Variants in SYT7 observed in about 807,000 individuals in gnomAD.
The protein encoded by SYT7 is synaptotagmin 7.
In SYT7, 29 loss-of-function variants were observed where a neutral mutation model predicts 75.1. That is an observed-to-expected ratio of 0.39 (90% CI 0.29 to 0.53). The LOEUF is 0.53. Ranked by LOEUF, SYT7 falls within the 20% of genes least tolerant of loss-of-function variation. The pLI, the probability that SYT7 is intolerant of heterozygous loss-of-function variation, is 0.77. For missense variants in SYT7, 693 were observed against 953.2 expected (o/e 0.73, Z 3.59); for synonymous variants, 376 against 401.7 (o/e 0.94, Z 0.76).
chr11:61,575,275 G>A (rs566776665), intron 1 of SYT7, among the ~76,000 whole-genome samples: 17 of 152,226 alleles, frequency 1.1e-4, no homozygotes, highest in Middle Eastern at 3.4e-3. Flanking sequence ...GAAGGACACC[G>A]AAGGAGCAGG....
Position 61,542,101 on chromosome 11 carries a change from G to T in SYT7, c.941+110C>A, listed in dbSNP as rs1323772280. 4 of 1,392,920 alleles carry T rather than the reference G, an allele frequency of 2.9e-6. No individual in the cohort carries two copies. Among genetic ancestry groups the T allele is most frequent in the Non-Finnish European group, 1.9e-6 (2 of 1,059,592 alleles). The allele number at this position is 1,392,920 out of a possible 1,614,324, so 86.3% of individuals were successfully genotyped here. A position where few individuals can be genotyped will look rare whatever the true frequency, so the allele number is the denominator to read the frequency against. ...CCAAGTCTGCTTGGCACCCTGCCAA[G>T]GGGATGGAGGGCCGGGAGGTACACA... On this transcript the variant is annotated intron_variant, in intron 6 of 12. Transcript: ENST00000539008. This position sits in a 1 kb window ranked among gnomAD's most constrained non-coding sequence, Gnocchi z 7.8.
intron 7 of SYT7, among the ~76,000 whole-genome samples, chr11:61,537,662 C>G (rs925738180): frequency 6.6e-6 from 1 of 152,182 alleles, no homozygotes; most frequent in Non-Finnish European, 1.5e-5. Flanking sequence ...ATGGGCTCCT[C>G]TTCCATCAGC....
chr11:61,519,945 C>T (rs987300562), intron 12 of SYT7, among the ~76,000 whole-genome samples: 2 of 152,100 alleles, frequency 1.3e-5, no homozygotes, highest in Non-Finnish European at 2.9e-5. Flanking sequence ...CTCAGCCTCC[C>T]GAGTAGCTGG....
chr11:61,586,366 G>T, the SYT7 span, among the ~76,000 whole-genome samples: 1 of 152,300 alleles, frequency 6.6e-6, no homozygotes, highest in Middle Eastern at 3.4e-3. Flanking sequence ...GGCAGCTCTG[G>T]GACCCCTGAG....
intron 1 of SYT7, among the ~76,000 whole-genome samples, chr11:61,557,576 C>T (rs1358781415): frequency 1.3e-5 from 2 of 152,180 alleles, no homozygotes; most frequent in Admixed American, 6.5e-5. Flanking sequence ...TGGGCCCCAC[C>T]TCTCCCTTCC....
chr11:61,550,034 C>A, intron 3 of SYT7, among the ~76,000 whole-genome samples: 1 of 152,340 alleles, frequency 6.6e-6, no homozygotes, highest in East Asian at 1.9e-4. Flanking sequence ...CGCTCCCCCA[C>A]GTGCTCCCTC....
At chr11:61,543,502 C>T (rs2063105291) in intron 5 of SYT7, among the ~76,000 whole-genome samples, 1 of 152,220 alleles carries the variant, frequency 6.6e-6, no homozygotes, top group Non-Finnish European at 1.5e-5. Flanking sequence ...GCAGTATAGC[C>T]TCAGAGAGAC....
intron 1 of SYT7, among the ~76,000 whole-genome samples, chr11:61,567,959 G>A (rs2063818980): frequency 6.6e-6 from 1 of 152,236 alleles, no homozygotes; most frequent in African/African-American, 2.4e-5. Flanking sequence ...ACCTGGGGCA[G>A]GCAAAACTTC....
At chr11:61,540,487 C>T (rs1565182211) in intron 6 of SYT7, 16 of 982,482 alleles carry the variant, frequency 1.6e-5, no homozygotes, top group Admixed American at 6.1e-5. Flanking sequence ...TTATCTGGAC[C>T]TTTCTAGGAA....
intron 1 of SYT7, among the ~76,000 whole-genome samples, chr11:61,558,148 G>A (rs761710541): frequency 5.3e-5 from 8 of 152,094 alleles, no homozygotes; most frequent in African/African-American, 7.2e-5. Context: ...AGCTTTCCTC[G>A]GCAACTATCT....
At chr11:61,533,868 C>G (rs1054999461) in intron 7 of SYT7, among the ~76,000 whole-genome samples, 18 of 152,254 alleles carry the variant, frequency 1.2e-4, no homozygotes, top group East Asian at 3.9e-4. Flanking sequence ...CCCCTTGCTC[C>G]TCAGTTCCCA....
chr11:61,529,505 C>T (rs555969924), intron 8 of SYT7, among the ~76,000 whole-genome samples: 15 of 152,332 alleles, frequency 9.8e-5, no homozygotes, highest in Non-Finnish European at 1.8e-4. Flanking sequence ...TAGGAACCCT[C>T]TCTGACTCAA....
chr11:61,575,063 T>C (rs1590958905), intron 1 of SYT7, among the ~76,000 whole-genome samples: 1 of 151,898 alleles, frequency 6.6e-6, no homozygotes, highest in African/African-American at 2.4e-5. Flanking sequence ...TCCTCTCTCA[T>C]TCCTGGGGCT....
rs144928084 is a variant in SYT7 at position 61,515,462 on chromosome 11, GT to G, written c.*3164del. On this transcript the variant is annotated 3_prime_UTR_variant, in exon 13 of 13. Coordinates refer to ENST00000539008, the MANE Select transcript of SYT7 (RefSeq NM_001365809.2). ...AATTTTGTATGGTTCTTTTTTTCCT[GT>G]TTTTTTTTTTTCTTCAGTTTTTCTT... is the stretch of plus-strand genomic sequence containing the variant. 17,752 of 143,710 alleles carry G rather than the reference GT, an allele frequency of 0.12. 1,175 individuals carry two copies. The highest frequency in any genetic ancestry group is 0.17 in the African/African-American group (6,648 of 39,326). 8.9% of individuals were successfully genotyped at this position (143,710 alleles called of 1,614,324 possible). A position where few individuals can be genotyped will look rare whatever the true frequency, so the allele number is the denominator to read the frequency against.
At position 61,524,203 on chromosome 11, in the gene SYT7, T is replaced by C. The variant is rs964260409; in HGVS notation, c.1641+160A>G. On this transcript the variant is annotated intron_variant, in intron 10 of 12. Coordinates refer to ENST00000539008, the MANE Select transcript of SYT7 (RefSeq NM_001365809.2). The surrounding 1 kb of genome is among the most constrained non-coding windows in gnomAD (Gnocchi z 4.1). ...AGTCCCCCCAAGTGCCAAGCACCAA[T>C]GTTCTGACTGCTAGCGAGGGCTGAG... 2.0e-5 allele frequency among the ~76,000 whole-genome samples: 3 copies of C among 152,178 alleles called. No homozygotes were observed. Among genetic ancestry groups the C allele is most frequent in the African/African-American group, 7.2e-5 (3 of 41,442 alleles).
chr11:61,575,344 C>T (rs2064041593), intron 1 of SYT7, among the ~76,000 whole-genome samples: 1 of 152,164 alleles, frequency 6.6e-6, no homozygotes, highest in Non-Finnish European at 1.5e-5. Flanking sequence ...TAGGGTTTGT[C>T]ACTATCAGGG....
At position 61,540,793 on chromosome 11, in the gene SYT7, C is replaced by T. The variant is rs1035190095; in HGVS notation, c.941+1418G>A. The T allele has an allele frequency of 9.1e-6, 9 of 985,398 alleles. No individual in the cohort carries two copies. The Admixed American group carries it at 3.7e-4, about 40-fold the overall frequency. The allele number at this position is 985,398 out of a possible 1,614,324, so 61.0% of individuals were successfully genotyped here. On this transcript the variant is annotated intron_variant, in intron 6 of 12. Coordinates refer to ENST00000539008, the MANE Select transcript of SYT7 (RefSeq NM_001365809.2). ...GGCCCAGCAGGCTCTCAGTCCTGTTCAAGCCACGCAGACCCAATTCCCTCG... is the reference window on the plus strand; with the variant it reads ...GGCCCAGCAGGCTCTCAGTCCTGTTTAAGCCACGCAGACCCAATTCCCTCG...
In SYT7 at chr11:61,580,961, C is replaced by G. The variant is rs923704280; in HGVS notation, c.-141G>C. 3.8e-5 allele frequency: 38 copies of G among 987,574 alleles called. No individual in the cohort carries two copies. Among genetic ancestry groups the G allele is most frequent in the Non-Finnish European group, 4.1e-5 (34 of 831,990 alleles). 61.2% of individuals were successfully genotyped at this position (987,574 alleles called of 1,614,324 possible). A position where few individuals can be genotyped will look rare whatever the true frequency, so the allele number is the denominator to read the frequency against. ...GGGGGCCGAGCGGGCTGCACCTAGC[C>G]GCGGAGCCGGGGAGCGGGGGCCGCC... On this transcript the variant is annotated 5_prime_UTR_variant, in exon 1 of 13. Transcript: ENST00000539008. The surrounding 1 kb of genome is among the most constrained non-coding windows in gnomAD (Gnocchi z 6.1).
intron 1 of SYT7, among the ~76,000 whole-genome samples, chr11:61,567,381 G>A (rs1294430369): frequency 6.6e-6 from 1 of 151,426 alleles, no homozygotes; most frequent in Non-Finnish European, 1.5e-5. Flanking sequence ...ACAGCTGTCG[G>A]CCACGCGGCT....
Sources: gnomAD v4.1 joint callset for allele counts (sites outside exome capture counted in the v4.1 genomes callset) on GRCh38, gnomAD v4.1.1 for gene constraint, Gnocchi (gnomAD v3.1) non-coding constraint, MANE v1.5 for transcripts, NCBI Gene and HGNC (gene_info 2026-07-23, HGNC 2026-07-21) for gene names.